The following CNTN4 variants were observed in gnomAD, a reference collection of about 807,000 sequenced individuals.
CNTN4 encodes the protein contactin 4, also known as contactin-4.
In CNTN4, 77 loss-of-function variants were observed where a neutral mutation model predicts 122.5. The ratio of observed to expected loss-of-function variants is 0.63; its 90% CI spans 0.52 to 0.76. The LOEUF (loss-of-function observed/expected upper bound fraction) is 0.76. CNTN4 is among the 30% of genes least tolerant of loss of function. The pLI is 0.00. For missense variants in CNTN4, 1,256 were observed against 1,259.1 expected (o/e 1.00, Z 0.04); for synonymous variants, 512 against 447.0 (o/e 1.15, Z -1.83).
intron 2 of CNTN4, among the ~76,000 whole-genome samples, chr3:2,101,974 A>ACTTCTATAT (rs2032003498): frequency 6.6e-6 from 1 of 152,192 alleles, no homozygotes; most frequent in Non-Finnish European, 1.5e-5. Context: ...AAACTGCTAC[A>ACTTCTATAT]CTTCTATATC....
chr3:2,258,797 T>C (rs567862469), intron 2 of CNTN4, among the ~76,000 whole-genome samples: 12 of 152,172 alleles, frequency 7.9e-5, no homozygotes, highest in Admixed American at 2.0e-4. Context: ...TTATTATTTG[T>C]ATTATTTATA....
intron 12 of CNTN4, among the ~76,000 whole-genome samples, chr3:2,920,725 C>T (rs2094420477): frequency 6.6e-6 from 1 of 152,144 alleles, no homozygotes; most frequent in Admixed American, 6.5e-5. Flanking sequence ...GGATCAAATA[C>T]TGTGCTAAGT....
chr3:2,341,699 A>G (rs550233214), intron 3 of CNTN4, among the ~76,000 whole-genome samples: 18 of 152,356 alleles, frequency 1.2e-4, no homozygotes, highest in Admixed American at 1.0e-3. Flanking sequence ...CAAAACAGTT[A>G]ATTTGATTTA....
intron 12 of CNTN4, among the ~76,000 whole-genome samples, chr3:2,905,698 A>G (rs978426054): frequency 3.3e-5 from 5 of 152,260 alleles, no homozygotes; most frequent in Non-Finnish European, 7.3e-5. Context: ...CAATAAAGGC[A>G]TGTCATCAAA....
intron 13 of CNTN4, among the ~76,000 whole-genome samples, chr3:2,963,290 C>T (rs577940120): frequency 1.3e-5 from 2 of 152,170 alleles, no homozygotes; most frequent in African/African-American, 4.8e-5. Context: ...CTTACTGAGA[C>T]TCAATTTCCC....
At chr3:2,549,814 G>A (rs1406364965) in intron 3 of CNTN4, among the ~76,000 whole-genome samples, 1 of 152,114 alleles carries the variant, frequency 6.6e-6, no homozygotes, top group Non-Finnish European at 1.5e-5. Flanking sequence ...ATTCAGCTGT[G>A]AATCCATCTG....
At chr3:2,430,553 G>A (rs1245841506) in intron 3 of CNTN4, among the ~76,000 whole-genome samples, 2 of 144,904 alleles carry the variant, frequency 1.4e-5, no homozygotes, top group African/African-American at 5.2e-5. Flanking sequence ...ATTATAATTA[G>A]AAGGTGCCAT....
chr3:2,281,560 G>A (rs1575254670), intron 2 of CNTN4, among the ~76,000 whole-genome samples: 1 of 151,952 alleles, frequency 6.6e-6, no homozygotes, highest in East Asian at 1.9e-4. Flanking sequence ...AATTTCAGAG[G>A]CCTTCTGAAG....
intron 8 of CNTN4, among the ~76,000 whole-genome samples, chr3:2,877,027 C>A (rs563432325): frequency 6.6e-6 from 1 of 152,220 alleles, no homozygotes; most frequent in Middle Eastern, 3.4e-3. Context: ...GAAACTCAAG[C>A]CTTTCAGTTG....
intron 6 of CNTN4, among the ~76,000 whole-genome samples, chr3:2,777,741 C>T (rs533540865): frequency 6.6e-6 from 1 of 152,210 alleles, no homozygotes; most frequent in African/African-American, 2.4e-5. Flanking sequence ...ACCTAGGACA[C>T]AAATTCTTTC....
chr3:2,347,848 T>A (rs546490217), intron 3 of CNTN4, among the ~76,000 whole-genome samples: 33 of 148,634 alleles, frequency 2.2e-4, no homozygotes, highest in African/African-American at 7.5e-4. Flanking sequence ...CTCTTTTTGG[T>A]TTATCTTTTT....
rs145929390 is a variant in CNTN4 at position 2,714,914 on chromosome 3, A to G, written c.56-21301A>G. Among the ~76,000 whole-genome samples, 719 of 152,194 alleles carry G rather than the reference A, an allele frequency of 4.7e-3. 8 individuals carry two copies. The highest frequency in any genetic ancestry group is 0.017 in the African/African-American group (693 of 41,546). ...ACCACGCTGGGCCCAGTTCGAGAGT[A>G]TTCATAACATTGGTTGGGCAACTTG... On this transcript the variant is annotated intron_variant, in intron 4 of 24. Coordinates refer to ENST00000418658, the MANE Select transcript of CNTN4 (RefSeq NM_175607.3).
At chr3:2,132,809 C>G (rs755539695) in intron 2 of CNTN4, among the ~76,000 whole-genome samples, 1 of 152,160 alleles carries the variant, frequency 6.6e-6, no homozygotes, top group Non-Finnish European at 1.5e-5. Flanking sequence ...TTGTGGATGA[C>G]AGGGCCCATT....
intron 4 of CNTN4, among the ~76,000 whole-genome samples, chr3:2,702,730 G>GGTGCATATGTGT (rs142380147): frequency 0.012 from 1,845 of 152,304 alleles, 26 homozygotes; most frequent in African/African-American, 0.037. Context: ...TGAAGCACAT[G>GGTGCATATGTGT]GTGCATATTC....
chr3:2,275,815 G>A (rs1275224510), intron 2 of CNTN4, among the ~76,000 whole-genome samples: 1 of 150,290 alleles, frequency 6.7e-6, no homozygotes, highest in Non-Finnish European at 1.5e-5. Context: ...AGCTACTCAG[G>A]AAGCTGAGTC....
At chr3:2,330,057 G>A (rs1297618398) in intron 2 of CNTN4, among the ~76,000 whole-genome samples, 2 of 152,042 alleles carry the variant, frequency 1.3e-5, no homozygotes, top group African/African-American at 2.4e-5. Flanking sequence ...CCTAAATCGG[G>A]CTCCCCAGAA....
intron 3 of CNTN4, among the ~76,000 whole-genome samples, chr3:2,561,078 G>C (rs1227930463): frequency 6.6e-6 from 1 of 152,150 alleles, no homozygotes; most frequent in African/African-American, 2.4e-5. Flanking sequence ...TCCCCACTAA[G>C]TGTATCCAAG....
At chr3:2,449,743 C>A (rs1359517147) in intron 3 of CNTN4, among the ~76,000 whole-genome samples, 1 of 151,942 alleles carries the variant, frequency 6.6e-6, no homozygotes, top group African/African-American at 2.4e-5. Context: ...TATATTTATG[C>A]AATGGAATAT....
chr3:2,687,084 G>T (rs2085469562), intron 4 of CNTN4, among the ~76,000 whole-genome samples: 2 of 152,304 alleles, frequency 1.3e-5, no homozygotes, highest in African/African-American at 4.8e-5. Context: ...ATAGGGAACA[G>T]TGATTTTTCT....
Sources: gnomAD v4.1 joint callset for allele counts (sites outside exome capture counted in the v4.1 genomes callset) on GRCh38, gnomAD v4.1.1 for gene constraint, MANE v1.5 for transcripts, NCBI Gene and HGNC (gene_info 2026-07-23, HGNC 2026-07-21) for gene names.